Variants in RFX3 observed in about 807,000 individuals in gnomAD.
The protein encoded by RFX3 is regulatory factor X3.
Under a neutral mutation model 98.6 loss-of-function variants are expected in RFX3, and 14 were observed. The observed-to-expected ratio is 0.14, with a 90% CI of 0.09 to 0.22. The LOEUF (loss-of-function observed/expected upper bound fraction) is 0.22. Among genes scored for constraint, RFX3 ranks in the 10% least tolerant of loss-of-function variants. The pLI, the probability that RFX3 is intolerant of heterozygous loss-of-function variation, is 1.00. For synonymous variants in RFX3, 383 were observed against 328.4 expected (o/e 1.17, Z -1.80); for missense variants, 639 against 926.9 (o/e 0.69, Z 4.03).
chr9:3,238,081 G>A (rs12335835), intron 15 of RFX3, among the ~76,000 whole-genome samples: 32,558 of 151,902 alleles, frequency 0.21, 6,290 homozygotes, highest in African/African-American at 0.53. Flanking sequence ...GAATTTGTTC[G>A]TGTTTGCAGA....
chr9:3,262,432 C>T (rs1270398659), intron 13 of RFX3, among the ~76,000 whole-genome samples: 4 of 152,164 alleles, frequency 2.6e-5, no homozygotes, highest in Middle Eastern at 3.4e-3. Context: ...ATTTACTAGG[C>T]AGCTATAGTA....
At chr9:3,428,197 A>T (rs543721814) in intron 1 of RFX3, among the ~76,000 whole-genome samples, 1 of 152,278 alleles carries the variant, frequency 6.6e-6, no homozygotes, top group South Asian at 2.1e-4. Context: ...CATTACATCA[A>T]GGCAAGTAGC....
At chr9:3,407,604 T>A (rs949372655) in intron 1 of RFX3, among the ~76,000 whole-genome samples, 1 of 152,146 alleles carries the variant, frequency 6.6e-6, no homozygotes, top group Admixed American at 6.5e-5. Flanking sequence ...AGGCTAATAA[T>A]ATGACAACAA....
intron 2 of RFX3, among the ~76,000 whole-genome samples, chr9:3,378,558 T>TC (rs1294333755): frequency 1.4e-5 from 2 of 145,874 alleles, no homozygotes; most frequent in African/African-American, 5.0e-5. Flanking sequence ...TTTCTTTCTT[T>TC]TTTTTTTTTT....
At chr9:3,374,215 C>T (rs1838193927) in intron 2 of RFX3, among the ~76,000 whole-genome samples, 2 of 152,146 alleles carry the variant, frequency 1.3e-5, no homozygotes, top group Admixed American at 1.3e-4. Flanking sequence ...AACCCTTGCG[C>T]TCTGTTGGTG....
At chr9:3,323,881 T>G in intron 4 of RFX3, 2 of 224,226 alleles carry the variant, frequency 8.9e-6, no homozygotes, top group Admixed American at 9.3e-5. Flanking sequence ...TGCCTCTAGA[T>G]CTTATCAGCT....
intron 1 of RFX3, among the ~76,000 whole-genome samples, chr9:3,471,206 T>C (rs913362551): frequency 2.0e-5 from 3 of 152,214 alleles, no homozygotes; most frequent in Non-Finnish European, 2.9e-5. Flanking sequence ...TATTAGATGC[T>C]GCCATAATAA....
chr9:3,454,129 T>C (rs1846933704), intron 1 of RFX3, among the ~76,000 whole-genome samples: 2 of 152,348 alleles, frequency 1.3e-5, no homozygotes, highest in South Asian at 4.1e-4. Flanking sequence ...AGGAATGTCA[T>C]TCCTTTCCTG....
At chr9:3,298,383 A>G (rs2129933851) in intron 5 of RFX3, among the ~76,000 whole-genome samples, 1 of 151,976 alleles carries the variant, frequency 6.6e-6, no homozygotes, top group Non-Finnish European at 1.5e-5. Flanking sequence ...AAAAGAAACA[A>G]TACAATAAAT....
chr9:3,291,262 T>A (rs1301937280), intron 6 of RFX3, among the ~76,000 whole-genome samples: 1 of 151,952 alleles, frequency 6.6e-6, no homozygotes, highest in East Asian at 1.9e-4. Context: ...TCCGGGTTAC[T>A]CGGGAGGCTG....
At chr9:3,384,719 A>G (rs571353260) in intron 2 of RFX3, among the ~76,000 whole-genome samples, 1 of 152,260 alleles carries the variant, frequency 6.6e-6, no homozygotes, top group East Asian at 1.9e-4. Flanking sequence ...GCAGACTGAA[A>G]TATTATTCAT....
At chr9:3,366,767 T>C (rs1563994716) in intron 2 of RFX3, among the ~76,000 whole-genome samples, 1 of 145,352 alleles carries the variant, frequency 6.9e-6, no homozygotes, top group Non-Finnish European at 1.5e-5. Flanking sequence ...GCTATTCTTA[T>C]GTACATTCAA....
At chr9:3,231,215 TAG>T (rs894669765) in intron 15 of RFX3, among the ~76,000 whole-genome samples, 2 of 152,040 alleles carry the variant, frequency 1.3e-5, no homozygotes, top group African/African-American at 4.8e-5. Context: ...GTACAGCAAA[TAG>T]AGAGAGTAGA....
intron 2 of RFX3, among the ~76,000 whole-genome samples, chr9:3,381,606 A>T (rs149531689): frequency 1.2e-4 from 19 of 152,236 alleles, no homozygotes; most frequent in African/African-American, 4.6e-4. Flanking sequence ...TATATTCATA[A>T]GCATTTTTAT....
At chr9:3,418,899 T>C (rs1843209277) in intron 1 of RFX3, among the ~76,000 whole-genome samples, 1 of 152,206 alleles carries the variant, frequency 6.6e-6, no homozygotes, top group African/African-American at 2.4e-5. Flanking sequence ...ATGTATTACA[T>C]GGAGTGTTTT....
At chr9:3,311,086 C>T (rs192119066) in intron 4 of RFX3, among the ~76,000 whole-genome samples, 4 of 152,258 alleles carry the variant, frequency 2.6e-5, no homozygotes, top group Non-Finnish European at 4.4e-5. Context: ...CTTGTTAATA[C>T]AAGTTACTCT....
At chr9:3,428,440 G>C (rs888930771) in intron 1 of RFX3, among the ~76,000 whole-genome samples, 1 of 152,144 alleles carries the variant, frequency 6.6e-6, no homozygotes, top group Non-Finnish European at 1.5e-5. Context: ...AGTTTCTGAA[G>C]TTAAGTAAAA....
intron 3 of RFX3, among the ~76,000 whole-genome samples, chr9:3,345,716 T>C (rs368596544): frequency 2.1e-4 from 32 of 152,206 alleles, no homozygotes; most frequent in African/African-American, 6.8e-4. Flanking sequence ...ATTCTGTTTT[T>C]AGTTATAATA....
chr9:3,330,505 C>A lies in RFX3; in HGVS notation c.228G>T (p.Thr76=). The A allele has an allele frequency of 6.2e-7, 1 of 1,605,066 alleles. No homozygotes were observed. The highest frequency in any genetic ancestry group is 1.3e-5 in the African/African-American group (1 of 74,848). The part of the protein sequence containing the change: ...VYTNGAIRTT[T]YPYTETQMYS... ...ACATCTGTGTCTCTGTGTAAGGATA[C>A]GTTGTTGTTCGGCTTTAGAAGAAGA... is the stretch of plus-strand genomic sequence containing the variant. The change falls in exon 4 of 17, where the codon ACG becomes ACT. Residue 76 remains threonine (T), a synonymous_variant. Transcript: ENST00000617270.
Sources: allele counts gnomAD v4.1 joint callset (sites outside exome capture counted in the v4.1 genomes callset), GRCh38; gene constraint gnomAD v4.1.1; transcripts MANE v1.5; gene names NCBI Gene and HGNC (gene_info 2026-07-23, HGNC 2026-07-21).